ANKS1B: variants seen among roughly 807,000 people sequenced by gnomAD.
ANKS1B encodes the protein ankyrin repeat and sterile alpha motif domain-containing protein 1B.
A neutral mutation model predicts 148.3 loss-of-function variants in ANKS1B; 36 were observed. That is an observed-to-expected ratio of 0.24 (90% confidence interval 0.19 to 0.32). ANKS1B has a LOEUF of 0.32. Ranked by LOEUF, ANKS1B falls within the 10% of genes least tolerant of loss-of-function variation. ANKS1B has a pLI of 1.00. For missense variants in ANKS1B, 1,157 were observed against 1,542.6 expected (o/e 0.75, Z 4.19); for synonymous variants, 542 against 560.8 (o/e 0.97, Z 0.47).
chr12:99,335,634 A>G (rs899767902), intron 12 of ANKS1B, among the ~76,000 whole-genome samples: 14 of 152,120 alleles, frequency 9.2e-5, no homozygotes, highest in African/African-American at 3.4e-4. Flanking sequence ...TTCTATTAAC[A>G]TAATGTCCTC....
At chr12:98,880,305 C>T (rs1474789871) in intron 17 of ANKS1B, among the ~76,000 whole-genome samples, 1 of 152,072 alleles carries the variant, frequency 6.6e-6, no homozygotes, top group Non-Finnish European at 1.5e-5. Flanking sequence ...ACAAAAGACA[C>T]GTGATGATGA....
chr12:99,567,143 C>T (rs944708209), intron 9 of ANKS1B, among the ~76,000 whole-genome samples: 11 of 152,156 alleles, frequency 7.2e-5, no homozygotes, highest in African/African-American at 2.7e-4. Context: ...CTCAGGTTTA[C>T]TCAGGTCATT....
intron 14 of ANKS1B, among the ~76,000 whole-genome samples, chr12:99,198,019 C>T (rs1292240623): frequency 2.0e-5 from 3 of 152,034 alleles, no homozygotes; most frequent in Admixed American, 6.6e-5. Flanking sequence ...TGATGCACCC[C>T]GCTCAATCCC....
At chr12:99,789,843 T>C (rs1178037380) in intron 4 of ANKS1B, among the ~76,000 whole-genome samples, 1 of 151,950 alleles carries the variant, frequency 6.6e-6, no homozygotes, top group East Asian at 1.9e-4. Flanking sequence ...TAAAAAGCAA[T>C]GAAACCTGCT....
chr12:99,863,079 G>A (rs1437284158), intron 1 of ANKS1B, among the ~76,000 whole-genome samples: 2 of 152,190 alleles, frequency 1.3e-5, no homozygotes, highest in African/African-American at 4.8e-5. Context: ...CATGTGTGCT[G>A]CGCCATTCAT....
At chr12:99,784,907 CAT>C (rs1221400625) in intron 4 of ANKS1B, among the ~76,000 whole-genome samples, 4 of 152,200 alleles carry the variant, frequency 2.6e-5, no homozygotes, top group Non-Finnish European at 5.9e-5. Flanking sequence ...TCATATACCA[CAT>C]TATAATTTTA....
At chr12:99,719,466 C>T (rs1363225470) in intron 8 of ANKS1B, among the ~76,000 whole-genome samples, 2 of 152,142 alleles carry the variant, frequency 1.3e-5, no homozygotes, top group African/African-American at 4.8e-5. Context: ...ACCCTGAACA[C>T]ACTTGGTTTA....
intron 12 of ANKS1B, among the ~76,000 whole-genome samples, chr12:99,323,458 A>G (rs2085702332): frequency 6.6e-6 from 1 of 152,214 alleles, no homozygotes; most frequent in African/African-American, 2.4e-5. Flanking sequence ...GGTTCCTGGC[A>G]TCATTTCTTC....
chr12:99,073,095 A>G (rs1219624094), intron 16 of ANKS1B, among the ~76,000 whole-genome samples: 2 of 152,364 alleles, frequency 1.3e-5, no homozygotes, highest in East Asian at 3.9e-4. Context: ...ACACTAATAT[A>G]GCACATATGC....
chr12:99,966,905 C>A (rs920243609), intron 1 of ANKS1B, among the ~76,000 whole-genome samples: 2 of 152,104 alleles, frequency 1.3e-5, no homozygotes, highest in African/African-American at 4.8e-5. Context: ...AATACTAAAT[C>A]TTTGGTGACC....
At chr12:98,816,664 GCAAAAGTAGTTA>G (rs1442947837) in intron 19 of ANKS1B, among the ~76,000 whole-genome samples, 1 of 152,220 alleles carries the variant, frequency 6.6e-6, no homozygotes, top group Non-Finnish European at 1.5e-5. Context: ...TGACATTCAT[GCAAAAGTAGTTA>G]CTGGTCATCT....
At chr12:99,909,149 T>C (rs1210682644) in intron 1 of ANKS1B, among the ~76,000 whole-genome samples, 1 of 151,922 alleles carries the variant, frequency 6.6e-6, no homozygotes, top group African/African-American at 2.4e-5. Flanking sequence ...CAGGATACTG[T>C]CCTCCAGGTT....
intron 1 of ANKS1B, among the ~76,000 whole-genome samples, chr12:99,915,980 T>G (rs1432008512): frequency 1.3e-5 from 2 of 152,194 alleles, no homozygotes; most frequent in African/African-American, 4.8e-5. Context: ...TATTTTCTTT[T>G]TGATAAGAAT....
chr12:99,814,733 A>G (rs1468633497), intron 2 of ANKS1B, among the ~76,000 whole-genome samples: 1 of 151,752 alleles, frequency 6.6e-6, no homozygotes, highest in African/African-American at 2.4e-5. Flanking sequence ...GAATTTAGAG[A>G]TTACATCTTG....
chr12:99,958,161 C>G (rs10860545), intron 1 of ANKS1B, among the ~76,000 whole-genome samples: 1 of 151,820 alleles, frequency 6.6e-6, no homozygotes, highest in Non-Finnish European at 1.5e-5. Context: ...AAGGGAAAGA[C>G]GGACATTCTG....
chr12:98,849,580 A>C (rs1006575761), intron 17 of ANKS1B, among the ~76,000 whole-genome samples: 1 of 152,236 alleles, frequency 6.6e-6, no homozygotes, highest in Non-Finnish European at 1.5e-5. Context: ...ATTTGAGCAA[A>C]CCAAAACCCG....
At chr12:99,099,737 A>G (rs1029104346) in intron 15 of ANKS1B, 3 of 152,258 alleles carry the variant, frequency 2.0e-5, no homozygotes, top group African/African-American at 7.2e-5. Context: ...GCACAATATA[A>G]AAATGAATGA....
intron 12 of ANKS1B, among the ~76,000 whole-genome samples, chr12:99,254,974 CT>C (rs1185146707): frequency 2.2e-4 from 34 of 152,136 alleles, no homozygotes; most frequent in Non-Finnish European, 4.1e-4. Context: ...TTGGTTTTAC[CT>C]TTTTTATTCT....
intron 17 of ANKS1B, among the ~76,000 whole-genome samples, chr12:98,834,044 C>T (rs1476320351): frequency 6.6e-6 from 1 of 152,160 alleles, no homozygotes; most frequent in Non-Finnish European, 1.5e-5. Context: ...TCACACTACG[C>T]CCTATTCCTT....
Sources: gnomAD v4.1 joint callset for allele counts (sites outside exome capture counted in the v4.1 genomes callset) on GRCh38, gnomAD v4.1.1 for gene constraint, MANE v1.5 for transcripts, NCBI Gene and HGNC (gene_info 2026-07-23, HGNC 2026-07-21) for gene names.